Variants in LGR4 observed in about 807,000 individuals in gnomAD.
LGR4 encodes the protein leucine-rich repeat-containing G protein-coupled receptor 4.
Under a neutral mutation model 84.8 loss-of-function variants are expected in LGR4, and 44 were observed. The observed-to-expected ratio is 0.52, with a 90% CI of 0.41 to 0.67. LGR4 has a LOEUF of 0.67. Ranked by LOEUF, LGR4 falls within the 30% of genes least tolerant of loss-of-function variation. The pLI, the probability that LGR4 is intolerant of heterozygous loss-of-function variation, is 0.00. For synonymous variants in LGR4, 429 were observed against 434.3 expected, an observed-to-expected ratio of 0.99 and a Z score of 0.15; for missense variants, 1,032 against 1,131.4, an observed-to-expected ratio of 0.91 and a Z score of 1.26.
At chr11:27,432,410 G>A (rs1424575282) in intron 1 of LGR4, among the ~76,000 whole-genome samples, 2 of 152,192 alleles carry the variant, frequency 1.3e-5, no homozygotes, top group Middle Eastern at 3.2e-3. Context: ...AAGGAGTACA[G>A]GAGACTGGCT....
At chr11:27,405,093 A>G (rs1382790378) in intron 2 of LGR4, among the ~76,000 whole-genome samples, 1 of 152,196 alleles carries the variant, frequency 6.6e-6, no homozygotes, top group Non-Finnish European at 1.5e-5. Flanking sequence ...ACCTATTAGC[A>G]GTCCCCAAAT....
chr11:27,446,263 G>A (rs1006587856), intron 1 of LGR4, among the ~76,000 whole-genome samples: 2 of 152,160 alleles, frequency 1.3e-5, no homozygotes, highest in African/African-American at 4.8e-5. Context: ...AGTTTCTTTT[G>A]CTGTGCAGAA....
chr11:27,454,697 G>A (rs1237691712), intron 1 of LGR4, among the ~76,000 whole-genome samples: 1 of 151,258 alleles, frequency 6.6e-6, no homozygotes, highest in Non-Finnish European at 1.5e-5. Context: ...GGCGGTGGTG[G>A]TTGCAGTGAG....
intron 2 of LGR4, among the ~76,000 whole-genome samples, chr11:27,409,460 T>C (rs1863669981): frequency 6.6e-6 from 1 of 152,120 alleles, no homozygotes; most frequent in South Asian, 2.1e-4. Flanking sequence ...ATTTACACTC[T>C]TATCTTTATC....
At chr11:27,449,629 GA>G (rs886967750) in intron 1 of LGR4, among the ~76,000 whole-genome samples, 43 of 137,182 alleles carry the variant, frequency 3.1e-4, no homozygotes, top group South Asian at 1.2e-3. Flanking sequence ...ATTAAAAAAA[GA>G]AAAAAAAAAG....
At position 27,448,201 on chromosome 11, in the gene LGR4, G is replaced by A. The variant is rs1037626999; in HGVS notation, c.185+23917C>T. On this transcript the variant is annotated intron_variant, in intron 1 of 17. Coordinates refer to ENST00000379214, the MANE Select transcript of LGR4 (RefSeq NM_018490.5). ...TCACTGGCTTAAATGTGGCAATCTAGTAAGACCTAGTTTAATAAAATCATC... is the reference window on the plus strand; with the variant it reads ...TCACTGGCTTAAATGTGGCAATCTAATAAGACCTAGTTTAATAAAATCATC... 2.6e-5 allele frequency among the ~76,000 whole-genome samples: 4 copies of A among 152,142 alleles called. No individual in the cohort carries two copies. The East Asian group carries it at 7.7e-4, about 29-fold the overall frequency.
chr11:27,387,565 A>C (rs1863210700), intron 4 of LGR4, among the ~76,000 whole-genome samples: 1 of 152,174 alleles, frequency 6.6e-6, no homozygotes, highest in South Asian at 2.1e-4. Context: ...AAACCAACTT[A>C]GTATGATCCA....
intron 1 of LGR4, among the ~76,000 whole-genome samples, chr11:27,429,364 A>G (rs140154796): frequency 7.7e-4 from 117 of 152,178 alleles, no homozygotes; most frequent in African/African-American, 2.8e-3. Flanking sequence ...AGGTACCTGT[A>G]GTCCCAGCTA....
At chr11:27,440,212 T>C (rs1256730232) in intron 1 of LGR4, among the ~76,000 whole-genome samples, 3 of 152,212 alleles carry the variant, frequency 2.0e-5, no homozygotes, top group East Asian at 3.9e-4. Context: ...AGCCTTGAGG[T>C]AGGATTTCTA....
chr11:27,392,678 TG>T (rs1259185982), intron 2 of LGR4, among the ~76,000 whole-genome samples, 160 bp from the exon 3 acceptor site: 2 of 152,214 alleles, frequency 1.3e-5, no homozygotes, highest in African/African-American at 4.8e-5. Context: ...AAAATGATCC[TG>T]TGAATCTTCC....
intron 1 of LGR4, among the ~76,000 whole-genome samples, chr11:27,436,388 TGGGAGGGGAG>T (rs760563423): frequency 3.7e-5 from 3 of 82,154 alleles, no homozygotes; most frequent in African/African-American, 1.3e-4. Context: ...AGAGAGAGGA[TGGGAGGGGAG>T]GGGAGGGGAG....
rs1397506269 is a variant in LGR4, at chr11:27,368,962, C to A, written c.1761G>T (p.Met587Ile). ...IGLISVSNLF[M>I]GIYTGILTFL... ...AAGTTAGGATGCCAGTATAGATTCC[C>A]ATGAATAAGTTAGACACAGAAATCA... The change falls in exon 18 of 18, where the codon ATG (methionine) becomes ATT (isoleucine). Residue 587 changes from methionine to isoleucine, a missense_variant. By Grantham distance (10) the Met-to-Ile change is conservative. Transcript: ENST00000379214. 6.2e-7 allele frequency: 1 copy of A among 1,614,034 alleles called. No homozygotes were observed.
At chr11:27,461,956 A>G (rs1226490129) in intron 1 of LGR4, among the ~76,000 whole-genome samples, 1 of 147,054 alleles carries the variant, frequency 6.8e-6, no homozygotes, top group African/African-American at 2.5e-5. Context: ...CAGTCTCCCA[A>G]GTAGCTGGAT....
intron 12 of LGR4, among the ~76,000 whole-genome samples, chr11:27,376,620 A>G (rs1862988092): frequency 6.6e-6 from 1 of 152,166 alleles, no homozygotes; most frequent in African/African-American, 2.4e-5. Context: ...ATTTCATCCC[A>G]TATTATACTG....
In LGR4 at chr11:27,380,295, G is replaced by GT; in HGVS notation, c.946dup (p.Thr316AsnfsTer21). 6.2e-7 allele frequency: 1 copy of GT among 1,610,850 alleles called. No individual in the cohort carries two copies. Among genetic ancestry groups the GT allele is most frequent in the Non-Finnish European group, 8.5e-7 (1 of 1,177,952 alleles). On this transcript the variant is annotated frameshift_variant, in exon 10 of 18. Coordinates refer to ENST00000379214, the MANE Select transcript of LGR4 (RefSeq NM_018490.5). LOFTEE classifies it high-confidence loss of function. ...CAGACTTTCCAGGTGGACAGTTCCT[G>GT]TAAGATTGGGGAACTGCTGCACCAT...
chr11:27,472,265 A>T lies in LGR4; in HGVS notation c.38T>A (p.Leu13Gln). 1 of 1,271,736 alleles carries T rather than the reference A, an allele frequency of 7.9e-7. No homozygotes were observed. Among genetic ancestry groups the T allele is most frequent in the Non-Finnish European group, 9.9e-7 (1 of 1,014,502 alleles). The allele number at this position is 1,271,736 out of a possible 1,614,324, so 78.8% of individuals were successfully genotyped here. ...GPLGLLCFLA[L>Q]GLLGSAGPSG... ...GGGCCCGGCCGAGCCGAGCAGCCCC[A>T]GGGCGAGGAAGCAGAGCAGCCCTAG... The change falls in exon 1 of 18, where the codon CTG becomes CAG. Residue 13 changes from leucine to glutamine, a missense_variant. Leu to Gln is a moderately radical substitution (Grantham distance 113, BLOSUM62 -2). Coordinates refer to ENST00000379214, the MANE Select transcript of LGR4 (RefSeq NM_018490.5).
Position 27,412,874 on chromosome 11 carries a change from AG to A in LGR4, c.186-15del. The stretch of plus-strand genomic sequence containing the variant: ...ATACTGATATCCCTGGAAAACGTAA[AG>A]TTAAGAATATTGTTAATTAAGTGGT... On this transcript the variant is annotated splice_polypyrimidine_tract_variant and intron_variant, in intron 1 of 17. Transcript: ENST00000379214. The A allele has an allele frequency of 6.5e-7, 1 of 1,540,398 alleles. No individual in the cohort carries two copies. Among genetic ancestry groups the A allele is most frequent in the Non-Finnish European group, 9.0e-7 (1 of 1,114,162 alleles).
intron 6 of LGR4, 127 bp downstream of exon 6, chr11:27,384,209 T>A: frequency 1.6e-6 from 1 of 644,900 alleles, no homozygotes. Context: ...AAGAATTTAA[T>A]CCAGTATCAA....
intron 2 of LGR4, among the ~76,000 whole-genome samples, chr11:27,397,246 G>A (rs1463145246): frequency 5.3e-5 from 8 of 152,092 alleles, no homozygotes. Flanking sequence ...AGTTGTCCAA[G>A]TAGGGTACGC....
Sources: allele counts gnomAD v4.1 joint callset (sites outside exome capture counted in the v4.1 genomes callset), GRCh38; gene constraint gnomAD v4.1.1; transcripts MANE v1.5; gene names NCBI Gene and HGNC (gene_info 2026-07-23, HGNC 2026-07-21).